Variants in ELP1 observed in about 807,000 individuals in gnomAD.
ELP1 encodes the protein elongator acetyltransferase complex subunit 1.
Under a neutral mutation model 183.2 loss-of-function variants are expected in ELP1, and 131 were observed. The ratio of observed to expected loss-of-function variants is 0.72; its 90% CI spans 0.62 to 0.83. The LOEUF is 0.83. Ranked by LOEUF, ELP1 falls within the 40% of genes least tolerant of loss-of-function variation. The pLI, the probability that ELP1 is intolerant of heterozygous loss-of-function variation, is 0.00. For missense variants in ELP1, 1,550 were observed against 1,594.9 expected (o/e 0.97, Z 0.48); for synonymous variants, 555 against 569.0 (o/e 0.98, Z 0.35).
chr9:108,930,455 C>T (rs916716519), intron 2 of ELP1, among the ~76,000 whole-genome samples: 2 of 152,148 alleles, frequency 1.3e-5, no homozygotes, highest in African/African-American at 4.8e-5. Flanking sequence ...TGGCCGGGCG[C>T]TGAGGCAGGC....
In ELP1 at chr9:108,874,907, C is replaced by A; in HGVS notation, c.3919G>T (p.Val1307Phe). Residue 1307 changes from valine to phenylalanine, a missense_variant, in exon 36 of 37, where the codon GTT (valine) becomes TTT (phenylalanine). By Grantham distance (50) the Val-to-Phe change is conservative. Coordinates refer to ENST00000374647, the MANE Select transcript of ELP1 (RefSeq NM_003640.5). ...AAAAAATACTAACCAAGAACAGGAA[C>A]CGAAGTCTTCTGTTGCTGATAAGAT... The part of the protein sequence containing the change: ...MASYQQQKTS[V>F]PVLDAELFIP... 6.2e-7 allele frequency: 1 copy of A among 1,609,210 alleles called. No individual in the cohort carries two copies. The highest frequency in any genetic ancestry group is 8.5e-7 in the Non-Finnish European group (1 of 1,175,732).
intron 36 of ELP1, 138 bp from the exon 37 acceptor site, chr9:108,869,320 G>A (rs1827348949): frequency 3.9e-6 from 3 of 767,400 alleles, no homozygotes; most frequent in South Asian, 2.8e-5. Context: ...TCATGTGTCT[G>A]CTACCCCTGC....
chr9:108,903,725 A>C, intron 14 of ELP1, 56 bp from the exon 15 acceptor site: 1 of 1,237,496 alleles, frequency 8.1e-7, no homozygotes. Context: ...AAAAATAGTG[A>C]CATTTCACTG....
At chr9:108,870,038 C>T (rs946398067) in intron 36 of ELP1, among the ~76,000 whole-genome samples, 9 of 151,964 alleles carry the variant, frequency 5.9e-5, no homozygotes, top group Non-Finnish European at 1.2e-4. Context: ...TGCAGTGGCA[C>T]GATCATGACT....
chr9:108,879,968 G>T, intron 32 of ELP1, 84 bp downstream of exon 32: 2 of 890,466 alleles, frequency 2.2e-6, no homozygotes, highest in East Asian at 2.4e-5. Flanking sequence ...GATTGCAGGC[G>T]GATCACCAAG....
intron 36 of ELP1, among the ~76,000 whole-genome samples, chr9:108,872,804 G>GAAAAAAAA (rs58139943): frequency 2.4e-5 from 2 of 83,380 alleles, no homozygotes; most frequent in Non-Finnish European, 4.0e-5. Context: ...GACTCTGTCT[G>GAAAAAAAA]AAAAAAAAAA....
In ELP1 at chr9:108,916,296, A is replaced by G. The variant is rs890474380; in HGVS notation, c.866T>C (p.Val289Ala). 4 of 1,612,374 alleles carry G rather than the reference A, an allele frequency of 2.5e-6. No homozygotes were observed. The African/African-American group carries it at 4.0e-5, about 16-fold the overall frequency. Residue 289 changes from valine to alanine, a missense_variant and splice_region_variant, in exon 10 of 37, where the codon GTA (valine) becomes GCA (alanine). Coordinates refer to ENST00000374647, the MANE Select transcript of ELP1 (RefSeq NM_003640.5). ...TLPFLKDEVK[V>A]NDLLWNADSS... ...ATCTGCATTCCAGAGCAAGTCATTTACCTAGAAGGGAAAAAAGATCTGTCA... is the reference window on the plus strand; with the variant it reads ...ATCTGCATTCCAGAGCAAGTCATTTGCCTAGAAGGGAAAAAAGATCTGTCA...
chr9:108,884,382 A>G (rs993103732), intron 29 of ELP1, among the ~76,000 whole-genome samples: 2 of 152,186 alleles, frequency 1.3e-5, no homozygotes, highest in African/African-American at 4.8e-5. Flanking sequence ...AAAAAGCTAG[A>G]ACAGCATGAT....
At chr9:108,921,052 G>C (rs1475856508) in intron 6 of ELP1, among the ~76,000 whole-genome samples, 1 of 151,984 alleles carries the variant, frequency 6.6e-6, no homozygotes, top group African/African-American at 2.4e-5. Flanking sequence ...CCTTTACTGG[G>C]ATATAATTTA....
intron 5 of ELP1, 43 bp from the exon 6 acceptor site, chr9:108,922,970 G>A (rs1209448771): frequency 2.1e-6 from 3 of 1,426,562 alleles, no homozygotes; most frequent in Non-Finnish European, 3.0e-6. Flanking sequence ...CACATGAAAT[G>A]AAACAAAAAC....
At chr9:108,880,021 G>A (rs767780798) in intron 32 of ELP1, 31 bp downstream of exon 32, 13 of 1,363,276 alleles carry the variant, frequency 9.5e-6, no homozygotes, top group South Asian at 5.8e-5. Flanking sequence ...CACTGCCCCC[G>A]CACGTCGATG....
rs114964209 is a variant in ELP1 at position 108,883,256 on chromosome 9, C to T, written c.3223-1069G>A. On this transcript the variant is annotated intron_variant, in intron 29 of 36. Transcript: ENST00000374647. ...TCAGCTCACTGCAGTCTCAAACTTA[C>T]AGGCTCAGGAAATCCTGCCACCTTG... Among the ~76,000 whole-genome samples the T allele has an allele frequency of 2.6e-3, 403 of 152,344 alleles. 3 individuals are homozygous for T. The highest frequency in any genetic ancestry group is 9.1e-3 in the African/African-American group (378 of 41,580).
At chr9:108,921,662 AC>A (rs1829651085) in intron 6 of ELP1, among the ~76,000 whole-genome samples, 1 of 151,814 alleles carries the variant, frequency 6.6e-6, no homozygotes. Context: ...GTAGTGGATC[AC>A]CCCCAAAGAA....
At chr9:108,913,578 A>G (rs1484349222) in intron 10 of ELP1, among the ~76,000 whole-genome samples, 1 of 152,178 alleles carries the variant, frequency 6.6e-6, no homozygotes, top group Non-Finnish European at 1.5e-5. Context: ...TTGAAGTTAG[A>G]CCACATGCTG....
chr9:108,908,458 T>A (rs1587904804), intron 12 of ELP1, 54 bp from the exon 13 acceptor site: 1 of 1,315,130 alleles, frequency 7.6e-7, no homozygotes, highest in Admixed American at 1.7e-5. Flanking sequence ...TTTCACCTAA[T>A]ACTAAGGGGA....
chr9:108,928,543 A>C (rs752184737), intron 3 of ELP1, among the ~76,000 whole-genome samples: 1 of 152,184 alleles, frequency 6.6e-6, no homozygotes, highest in Non-Finnish European at 1.5e-5. Flanking sequence ...GCTGCAACTA[A>C]AACATAAGGT....
rs1008864876 is a variant in ELP1 at position 108,868,611 on chromosome 9, TAGCTGTC to T, written c.*497_*503del. The T allele has an allele frequency of 1.1e-5, 5 of 453,402 alleles. No individual in the cohort carries two copies. Among genetic ancestry groups the T allele is most frequent in the African/African-American group, 1.0e-4 (5 of 49,828 alleles). 28.1% of individuals were successfully genotyped at this position (453,402 alleles called of 1,614,324 possible). A position where few individuals can be genotyped will look rare whatever the true frequency, so the allele number is the denominator to read the frequency against. On this transcript the variant is annotated 3_prime_UTR_variant, in exon 37 of 37. Coordinates refer to ENST00000374647, the MANE Select transcript of ELP1 (RefSeq NM_003640.5). ...GACCTGGTAAGATGTTACAAAATAA[TAGCTGTC>T]AGCAAAGGAGGGCTTATAATTTCAA... is the stretch of plus-strand genomic sequence containing the variant.
At chr9:108,931,929 A>G (rs981678659) in intron 1 of ELP1, among the ~76,000 whole-genome samples, 1 of 152,222 alleles carries the variant, frequency 6.6e-6, no homozygotes, top group African/African-American at 2.4e-5. Context: ...TGGTCTGGCA[A>G]AATCAGGCTT....
rs137908956 is a variant in ELP1 at position 108,893,680 on chromosome 9, A to C, written c.2860+263T>G. On this transcript the variant is annotated intron_variant, in intron 26 of 36. Transcript: ENST00000374647. Reference sequence around the variant, plus strand: ...ACCAATTTTGATTCTGAGACACTGAAGTTAACTTCACAGGTGCTCATTCTT... The same window carrying C: ...ACCAATTTTGATTCTGAGACACTGACGTTAACTTCACAGGTGCTCATTCTT... Among the ~76,000 whole-genome samples, 130 of 152,346 alleles carry C rather than the reference A, an allele frequency of 8.5e-4. 1 individual carries two copies. In the East Asian group the frequency reaches 0.024, roughly 28 times the overall value.
Sources: gnomAD v4.1 joint callset for allele counts (sites outside exome capture counted in the v4.1 genomes callset) on GRCh38, gnomAD v4.1.1 for gene constraint, MANE v1.5 for transcripts, NCBI Gene and HGNC (gene_info 2026-07-23, HGNC 2026-07-21) for gene names.